LOC128125822: variants seen among roughly 807,000 people sequenced by gnomAD.
At chr6:63,575,750 A>G in the LOC128125822 span, among the ~76,000 whole-genome samples, 1 of 152,166 alleles carries the variant, frequency 6.6e-6, no homozygotes, top group Non-Finnish European at 1.5e-5. Context: ...CATTCTTATG[A>G]TATTTCACAT....
the LOC128125822 span, chr6:63,582,804 T>G: frequency 6.6e-6 from 1 of 152,172 alleles, no homozygotes; most frequent in African/African-American, 2.4e-5. Flanking sequence ...CAACCATTGT[T>G]TCCCCTAGTG....
the LOC128125822 span, among the ~76,000 whole-genome samples, chr6:63,577,454 T>C: frequency 6.6e-6 from 1 of 152,230 alleles, no homozygotes; most frequent in Admixed American, 6.5e-5. Flanking sequence ...GAGAAAGGAA[T>C]TGAATGCTGA....
chr6:63,578,507 A>G, the LOC128125822 span: 1 of 1,612,116 alleles, frequency 6.2e-7, no homozygotes, highest in Admixed American at 1.7e-5. Context: ...ACTCTTGTGG[A>G]GAAAGAAGGT....
At chr6:63,577,951 G>A in the LOC128125822 span, among the ~76,000 whole-genome samples, 1 of 149,856 alleles carries the variant, frequency 6.7e-6, no homozygotes, top group Non-Finnish European at 1.5e-5. Flanking sequence ...GTTTTAAATG[G>A]TATGTGGGCT....
chr6:63,582,194 T>G, the LOC128125822 span: 2 of 150,120 alleles, frequency 1.3e-5, no homozygotes, highest in South Asian at 2.1e-4. Context: ...GAGGTTTTGT[T>G]TTTTTTTTAA....
the LOC128125822 span, among the ~76,000 whole-genome samples, chr6:63,575,216 A>G: frequency 1.3e-5 from 2 of 152,230 alleles, no homozygotes; most frequent in African/African-American, 2.4e-5. Context: ...AAATTTAAGC[A>G]TGGAAACTAA....
the LOC128125822 span, among the ~76,000 whole-genome samples, chr6:63,572,873 CCTGTGGCCGGCCGA>C: frequency 3.3e-5 from 5 of 152,090 alleles, no homozygotes; most frequent in South Asian, 1.0e-3. Context: ...GGGTTATGGC[CCTGTGGCCGGCCGA>C]TTGCGGCCGG....
At chr6:63,577,533 G>A in the LOC128125822 span, among the ~76,000 whole-genome samples, 1 of 152,070 alleles carries the variant, frequency 6.6e-6, no homozygotes, top group Non-Finnish European at 1.5e-5. Context: ...TAGCAAATAG[G>A]CCTCTCAGAA....
the LOC128125822 span, chr6:63,580,216 G>C: frequency 5.5e-6 from 8 of 1,447,792 alleles, no homozygotes; most frequent in Admixed American, 1.7e-5. Flanking sequence ...ACTTGAGATA[G>C]GGCCTAATTT....
chr6:63,583,502 T>A, the LOC128125822 span: 1 of 152,202 alleles, frequency 6.6e-6, no homozygotes, highest in African/African-American at 2.4e-5. Context: ...TGATATGTGT[T>A]AACGTATGAA....
At chr6:63,579,490 T>C in the LOC128125822 span, among the ~76,000 whole-genome samples, 2 of 152,260 alleles carry the variant, frequency 1.3e-5, no homozygotes, top group African/African-American at 4.8e-5. Context: ...TTGCATTTCA[T>C]GCAGTTGCTC....
chr6:63,574,011 C>T, the LOC128125822 span, among the ~76,000 whole-genome samples: 5 of 152,114 alleles, frequency 3.3e-5, no homozygotes, highest in African/African-American at 9.7e-5. Context: ...CTTCTGTCCG[C>T]GGAGCCCCCT....
chr6:63,579,182 G>T, the LOC128125822 span: 1 of 1,472,196 alleles, frequency 6.8e-7, no homozygotes, highest in South Asian at 1.2e-5. Flanking sequence ...TTCTGAGTTG[G>T]GGAATGTTTG....
chr6:63,580,260 A>C, the LOC128125822 span: 1 of 1,094,820 alleles, frequency 9.1e-7, no homozygotes, highest in Non-Finnish European at 1.4e-6. Flanking sequence ...TGGCTTAGTA[A>C]GTCTAATGAA....
chr6:63,572,925 C>T, the LOC128125822 span, among the ~76,000 whole-genome samples: 1 of 151,980 alleles, frequency 6.6e-6, no homozygotes, highest in African/African-American at 2.4e-5. Context: ...CCGGGCCCCT[C>T]GGGGCTGCGG....
chr6:63,576,796 A>T, the LOC128125822 span: 2 of 1,066,788 alleles, frequency 1.9e-6, no homozygotes, highest in Non-Finnish European at 2.8e-6. Flanking sequence ...ATATTGAAGT[A>T]GACTTCAGTT....
At chr6:63,578,927 A>G in the LOC128125822 span, 22,527 of 1,594,082 alleles carry the variant, frequency 0.014, 232 homozygotes, top group African/African-American at 0.044. Context: ...GTGCACCACC[A>G]TCCAACCAGA....
At chr6:63,583,154 A>T in the LOC128125822 span, 6 of 152,172 alleles carry the variant, frequency 3.9e-5, no homozygotes, top group Non-Finnish European at 5.9e-5. Context: ...CAGGAAATAT[A>T]ATTTGAGAAT....
the LOC128125822 span, chr6:63,578,651 T>C: frequency 7.4e-7 from 1 of 1,359,478 alleles, no homozygotes; most frequent in Non-Finnish European, 9.8e-7. Flanking sequence ...AAAACAAATA[T>C]TATATTATTG....
Sources: gnomAD v4.1 joint callset for allele counts (sites outside exome capture counted in the v4.1 genomes callset) on GRCh38, gnomAD v4.1.1 for gene constraint, MANE v1.5 for transcripts.